SORCS1: variants seen among roughly 807,000 people sequenced by gnomAD.
SORCS1 encodes the protein VPS10 domain-containing receptor SorCS1.
Under a neutral mutation model 146.1 loss-of-function variants are expected in SORCS1, and 60 were observed. The ratio of observed to expected loss-of-function variants is 0.41; its 90% CI spans 0.33 to 0.51. The LOEUF (loss-of-function observed/expected upper bound fraction) is 0.51, where lower values mean the gene tolerates loss of function less well. Ranked by LOEUF, SORCS1 falls within the 20% of genes least tolerant of loss-of-function variation. The pLI is 0.21. For missense variants in SORCS1, 1,352 were observed against 1,487.6 expected, an observed-to-expected ratio of 0.91 and a Z score of 1.50; for synonymous variants, 637 against 584.0, an observed-to-expected ratio of 1.09 and a Z score of -1.31.
intron 6 of SORCS1, among the ~76,000 whole-genome samples, chr10:106,719,358 G>A (rs1855616969): frequency 6.6e-6 from 1 of 151,930 alleles, no homozygotes. Context: ...ATTAATTTCA[G>A]AACAGAGAGA....
At chr10:107,131,520 T>C (rs888046113) in intron 1 of SORCS1, among the ~76,000 whole-genome samples, 3 of 152,108 alleles carry the variant, frequency 2.0e-5, no homozygotes, top group African/African-American at 7.2e-5. Flanking sequence ...GTGAGGAATT[T>C]GAGACCAGCC....
At chr10:106,630,349 G>C (rs1848370218) in intron 18 of SORCS1, among the ~76,000 whole-genome samples, 1 of 152,206 alleles carries the variant, frequency 6.6e-6, no homozygotes, top group Non-Finnish European at 1.5e-5. Context: ...AGTCTGGAGA[G>C]AGGAGTAGGC....
At chr10:107,058,333 G>A (rs1264560473) in intron 1 of SORCS1, among the ~76,000 whole-genome samples, 1 of 152,128 alleles carries the variant, frequency 6.6e-6, no homozygotes, top group African/African-American at 2.4e-5. Context: ...GAGCCACCAT[G>A]CCTGGCCTAA....
chr10:106,991,750 G>A (rs752425169), intron 1 of SORCS1, among the ~76,000 whole-genome samples: 5 of 152,168 alleles, frequency 3.3e-5, no homozygotes, highest in Non-Finnish European at 5.9e-5. Context: ...AAAGAATAGG[G>A]AGAAAGACAG....
At chr10:106,600,869 T>C (rs767850229) in intron 23 of SORCS1, 5 of 227,848 alleles carry the variant, frequency 2.2e-5, no homozygotes, top group Non-Finnish European at 3.6e-5. Context: ...AGAAGAGAGT[T>C]GGAGAGACGT....
intron 3 of SORCS1, among the ~76,000 whole-genome samples, chr10:106,779,545 A>ATTTTTTTTTTTTTTT (rs1491495992): frequency 8.6e-6 from 1 of 116,732 alleles, no homozygotes; most frequent in African/African-American, 3.2e-5. Context: ...ATTATGGCCC[A>ATTTTTTTTTTTTTTT]TATTTTTTTT....
chr10:106,925,392 G>A (rs1368192582), intron 2 of SORCS1, among the ~76,000 whole-genome samples: 3 of 152,136 alleles, frequency 2.0e-5, no homozygotes, highest in Non-Finnish European at 4.4e-5. Flanking sequence ...CACTTAACTG[G>A]CTGTCCCTGC....
chr10:107,082,013 G>A (rs1963367843), intron 1 of SORCS1, among the ~76,000 whole-genome samples: 1 of 152,252 alleles, frequency 6.6e-6, no homozygotes, highest in African/African-American at 2.4e-5. Flanking sequence ...TTCCTCCAAA[G>A]AGACAGTGGC....
At chr10:107,078,626 C>T (rs1313607268) in intron 1 of SORCS1, among the ~76,000 whole-genome samples, 1 of 152,076 alleles carries the variant, frequency 6.6e-6, no homozygotes, top group East Asian at 1.9e-4. Context: ...CATTTTTCTC[C>T]CATCTATGCC....
chr10:106,741,760 AT>A (rs1857382221), intron 5 of SORCS1, among the ~76,000 whole-genome samples: 1 of 152,140 alleles, frequency 6.6e-6, no homozygotes, highest in Non-Finnish European at 1.5e-5. Context: ...AACAGACTAG[AT>A]ATTAATTTCT....
intron 1 of SORCS1, 133 bp downstream of exon 1, chr10:107,163,836 T>C: frequency 1.0e-6 from 1 of 1,000,718 alleles, no homozygotes; most frequent in Non-Finnish European, 1.4e-6. Context: ...TTGGGGGAAG[T>C]GGGCAGAGAC....
chr10:106,864,423 G>T (rs1950149965), intron 2 of SORCS1, among the ~76,000 whole-genome samples: 1 of 152,074 alleles, frequency 6.6e-6, no homozygotes, highest in Admixed American at 6.6e-5. Context: ...CTCCACCATG[G>T]CCTTTAGTCT....
intron 22 of SORCS1, among the ~76,000 whole-genome samples, chr10:106,609,268 A>G (rs1846813389): frequency 6.6e-6 from 1 of 152,242 alleles, no homozygotes; most frequent in Non-Finnish European, 1.5e-5. Context: ...ACTAGACTGT[A>G]AACTCAGAGA....
chr10:106,937,424 C>T (rs999976351), intron 2 of SORCS1, among the ~76,000 whole-genome samples: 1 of 151,734 alleles, frequency 6.6e-6, no homozygotes, highest in Non-Finnish European at 1.5e-5. Flanking sequence ...GTAATCCACC[C>T]TTGTCGGCCT....
intron 1 of SORCS1, among the ~76,000 whole-genome samples, chr10:107,015,830 T>A (rs1270495794): frequency 2.0e-5 from 3 of 152,140 alleles, no homozygotes; most frequent in African/African-American, 7.2e-5. Context: ...GAATAGAAAA[T>A]ACCTAAGTCA....
intron 1 of SORCS1, among the ~76,000 whole-genome samples, chr10:107,057,281 T>C (rs1481604899): frequency 3.9e-5 from 6 of 152,196 alleles, no homozygotes; most frequent in Admixed American, 2.0e-4. Flanking sequence ...CAAGGGGCCA[T>C]CATTATAAAT....
At chr10:106,918,514 C>T (rs1952553295) in intron 2 of SORCS1, among the ~76,000 whole-genome samples, 1 of 152,008 alleles carries the variant, frequency 6.6e-6, no homozygotes, top group Non-Finnish European at 1.5e-5. Context: ...TCATTTGCTA[C>T]ATACCCTCAC....
At chr10:107,126,682 C>T (rs1461808639) in intron 1 of SORCS1, among the ~76,000 whole-genome samples, 1 of 152,060 alleles carries the variant, frequency 6.6e-6, no homozygotes, top group African/African-American at 2.4e-5. Flanking sequence ...AGAGGGGACA[C>T]AACAGTTCTG....
At chr10:106,815,411 C>A (rs766541789) in intron 3 of SORCS1, among the ~76,000 whole-genome samples, 1 of 152,202 alleles carries the variant, frequency 6.6e-6, no homozygotes, top group Non-Finnish European at 1.5e-5. Context: ...ATATTTATTT[C>A]AGTGTTCTTT....
Sources: allele counts gnomAD v4.1 joint callset (sites outside exome capture counted in the v4.1 genomes callset), GRCh38; gene constraint gnomAD v4.1.1; transcripts MANE v1.5; gene names NCBI Gene and HGNC (gene_info 2026-07-23, HGNC 2026-07-21).